SEM1: variants seen among roughly 807,000 people sequenced by gnomAD.
SEM1 encodes the protein SEM1 26S proteasome subunit.
A neutral mutation model predicts 12.7 loss-of-function variants in SEM1; 3 were observed. The observed-to-expected ratio is 0.24, with a 90% confidence interval of 0.11 to 0.61. The LOEUF (loss-of-function observed/expected upper bound fraction) is 0.61. Ranked by LOEUF, SEM1 falls within the 20% of genes least tolerant of loss-of-function variation. The pLI, the probability that SEM1 is intolerant of heterozygous loss-of-function variation, is 0.88. For missense variants in SEM1, 59 were observed against 81.3 expected (o/e 0.73, Z 1.06); for synonymous variants, 30 against 27.8 (o/e 1.08, Z -0.25).
intron 2 of SEM1, among the ~76,000 whole-genome samples, chr7:96,610,702 T>C (rs1807513584): frequency 6.6e-6 from 1 of 152,216 alleles, no homozygotes; most frequent in Non-Finnish European, 1.5e-5. Flanking sequence ...TCTTGGTCAA[T>C]GGCTTAAGTG....
chr7:96,626,360 C>T (rs1467725153), intron 2 of SEM1, among the ~76,000 whole-genome samples: 1 of 152,100 alleles, frequency 6.6e-6, no homozygotes, highest in Non-Finnish European at 1.5e-5. Flanking sequence ...GAATCTCATT[C>T]TTTTTATGGC....
At chr7:96,701,459 G>C (rs1272742360) in intron 1 of SEM1, among the ~76,000 whole-genome samples, 2 of 151,680 alleles carry the variant, frequency 1.3e-5, no homozygotes, top group Admixed American at 6.6e-5. Context: ...GCCTCACCAA[G>C]AACTGTATCG....
chr7:96,558,616 G>T (rs999033543), intron 2 of SEM1, among the ~76,000 whole-genome samples: 1 of 152,188 alleles, frequency 6.6e-6, no homozygotes, highest in African/African-American at 2.4e-5. Flanking sequence ...AAGAAGCAAG[G>T]AGAGAGGGAG....
At chr7:96,520,823 T>A (rs1804243998) in intron 2 of SEM1, among the ~76,000 whole-genome samples, 1 of 152,122 alleles carries the variant, frequency 6.6e-6, no homozygotes, top group Non-Finnish European at 1.5e-5. Context: ...GCCTCCCCGA[T>A]GCCCAGGCTC....
At chr7:96,509,596 T>C (rs761659989) in intron 2 of SEM1, among the ~76,000 whole-genome samples, 3 of 152,140 alleles carry the variant, frequency 2.0e-5, no homozygotes, top group Non-Finnish European at 4.4e-5. Context: ...TGGACATCCA[T>C]GTTCATAGCA....
At chr7:96,635,600 T>C (rs1028866303) in intron 2 of SEM1, among the ~76,000 whole-genome samples, 1 of 152,210 alleles carries the variant, frequency 6.6e-6, no homozygotes, top group South Asian at 2.1e-4. Context: ...GGTAGTCAAT[T>C]GTGCTAAATC....
At chr7:96,609,541 G>C (rs1243876193) in intron 2 of SEM1, among the ~76,000 whole-genome samples, 1 of 152,180 alleles carries the variant, frequency 6.6e-6, no homozygotes, top group Non-Finnish European at 1.5e-5. Flanking sequence ...TTTCCAGAGA[G>C]TCATACAGCT....
chr7:96,581,133 G>C (rs1806387479), intron 2 of SEM1, among the ~76,000 whole-genome samples: 1 of 152,106 alleles, frequency 6.6e-6, no homozygotes, highest in African/African-American at 2.4e-5. Context: ...AATCCGTCTT[G>C]AATTGATTTT....
intron 2 of SEM1, among the ~76,000 whole-genome samples, chr7:96,546,472 G>A (rs62471375): frequency 0.093 from 14,091 of 151,992 alleles, 668 homozygotes; most frequent in South Asian, 0.14. Context: ...TTCACATGAA[G>A]AAAATGATGA....
At chr7:96,492,886 A>G (rs1438277100) in intron 1 of SEM1, among the ~76,000 whole-genome samples, 4 of 151,952 alleles carry the variant, frequency 2.6e-5, no homozygotes, top group African/African-American at 7.3e-5. Context: ...CTCTGTGAAC[A>G]TGGATGTACA....
At chr7:96,606,686 A>G (rs1466010827) in intron 2 of SEM1, among the ~76,000 whole-genome samples, 2 of 152,242 alleles carry the variant, frequency 1.3e-5, no homozygotes, top group Non-Finnish European at 2.9e-5. Context: ...TTGAGGTTGA[A>G]GCATAACTCT....
intron 2 of SEM1, among the ~76,000 whole-genome samples, chr7:96,529,944 T>C (rs1476356436): frequency 6.6e-6 from 1 of 152,078 alleles, no homozygotes; most frequent in African/African-American, 2.4e-5. Context: ...AAAACAGTTG[T>C]ACAACTTCCT....
At chr7:96,647,835 C>T (rs2116427878) in intron 2 of SEM1, among the ~76,000 whole-genome samples, 1 of 152,316 alleles carries the variant, frequency 6.6e-6, no homozygotes, top group African/African-American at 2.4e-5. Flanking sequence ...CGTTCTGCTA[C>T]TCCACTCCCA....
intron 2 of SEM1, chr7:96,650,520 C>T (rs764918873): frequency 5.3e-6 from 4 of 753,666 alleles, no homozygotes; most frequent in Non-Finnish European, 9.7e-6. Context: ...TTTCTCACAG[C>T]TTTAGCATGA....
At chr7:96,627,550 T>C (rs1023904122) in intron 2 of SEM1, among the ~76,000 whole-genome samples, 3 of 152,170 alleles carry the variant, frequency 2.0e-5, no homozygotes, top group East Asian at 3.8e-4. Flanking sequence ...GAGCATGTTG[T>C]TTAGTTTCCA....
At chr7:96,486,696 G>C (rs1327803382) in intron 1 of SEM1, among the ~76,000 whole-genome samples, 1 of 152,142 alleles carries the variant, frequency 6.6e-6, no homozygotes, top group East Asian at 1.9e-4. Context: ...CCAACACAAG[G>C]GGACTTGGTA....
downstream of SEM1, among the ~76,000 whole-genome samples, chr7:96,669,932 CAT>C (rs1180394639): frequency 6.6e-6 from 1 of 152,166 alleles, no homozygotes; most frequent in Non-Finnish European, 1.5e-5. Context: ...AAAATTATCT[CAT>C]TAATCCTACA....
downstream of SEM1, among the ~76,000 whole-genome samples, chr7:96,684,337 T>C (rs1789700550): frequency 6.6e-6 from 1 of 152,066 alleles, no homozygotes; most frequent in African/African-American, 2.4e-5. Context: ...TCCAATCACT[T>C]GTACGGGGCA....
At chr7:96,561,219 A>C (rs913525358) in intron 2 of SEM1, among the ~76,000 whole-genome samples, 2 of 152,228 alleles carry the variant, frequency 1.3e-5, no homozygotes, top group African/African-American at 2.4e-5. Flanking sequence ...ATAATTTTGC[A>C]ATGTTCCACA....
Sources: allele counts gnomAD v4.1 joint callset (sites outside exome capture counted in the v4.1 genomes callset), GRCh38; gene constraint gnomAD v4.1.1; transcripts MANE v1.5; gene names NCBI Gene and HGNC (gene_info 2026-07-23, HGNC 2026-07-21).